Variants in IGSF9B observed in about 807,000 individuals in gnomAD.
IGSF9B encodes immunoglobulin superfamily member 9B.
A neutral mutation model predicts 143.7 loss-of-function variants in IGSF9B; 48 were observed. The ratio of observed to expected loss-of-function variants is 0.33; its 90% confidence interval spans 0.26 to 0.42. The LOEUF (loss-of-function observed/expected upper bound fraction) is 0.42. Ranked by LOEUF, IGSF9B falls within the 20% of genes least tolerant of loss-of-function variation. IGSF9B has a pLI of 1.00. For missense variants in IGSF9B, 1,706 were observed against 1,980.0 expected, an observed-to-expected ratio of 0.86 and a Z score of 2.63; for synonymous variants, 903 against 833.1, an observed-to-expected ratio of 1.08 and a Z score of -1.44.
intron 5 of IGSF9B, 25 bp from the exon 6 acceptor site, chr11:133,936,219 C>T: frequency 1.9e-6 from 3 of 1,597,996 alleles, no homozygotes; most frequent in Non-Finnish European, 2.6e-6. Context: ...GAACAAACCC[C>T]ACCTCGCCTG....
chr11:133,926,857 G>T, intron 13 of IGSF9B, 59 bp downstream of exon 13: 1 of 1,445,500 alleles, frequency 6.9e-7, no homozygotes, highest in Non-Finnish European at 9.4e-7. Flanking sequence ...AGCTGCCTGG[G>T]CCACCGCCCC....
In IGSF9B at chr11:133,898,947, A is replaced by G. The variant is rs930304185; in HGVS notation, c.*10122T>C. ...TGGAAGCGGGAAGCAGGCAGCAAAA[A>G]TCCACGACAGAGCCTTTTCCCCAAG... On this transcript the variant is annotated 3_prime_UTR_variant, in exon 20 of 20. Transcript: ENST00000533871. The G allele has an allele frequency of 6.6e-6, 1 of 152,306 alleles. No individual in the cohort carries two copies. Among genetic ancestry groups the G allele is most frequent in the African/African-American group, 2.4e-5 (1 of 41,422 alleles). The allele number at this position is 152,306 out of a possible 1,614,324, so 9.4% of individuals were successfully genotyped here. A position where few individuals can be genotyped will look rare whatever the true frequency, so the allele number is the denominator to read the frequency against.
chr11:133,918,418 G>A (rs1389743336), intron 18 of IGSF9B, among the ~76,000 whole-genome samples: 12 of 152,188 alleles, frequency 7.9e-5, no homozygotes, highest in Admixed American at 6.5e-4. Flanking sequence ...AGGCCGGAGC[G>A]TGGGGGAGGG....
At chr11:133,939,976 A>AT (rs1939899219) in intron 3 of IGSF9B, among the ~76,000 whole-genome samples, 1 of 135,368 alleles carries the variant, frequency 7.4e-6, no homozygotes, top group Non-Finnish European at 1.6e-5. Context: ...ATGCGTCATC[A>AT]CATACAGAAA....
At position 133,906,567 on chromosome 11, in the gene IGSF9B, G is replaced by T. The variant is rs954389019; in HGVS notation, c.*2502C>A. ...GGCACTGCCAGAGGAAGCGGAGGAG[G>T]AGTCAGCACCTGGGTTAGCACGGGG... On this transcript the variant is annotated 3_prime_UTR_variant, in exon 20 of 20. Transcript: ENST00000533871. Among the ~76,000 whole-genome samples, 4 of 152,230 alleles carry T rather than the reference G, an allele frequency of 2.6e-5. No homozygotes were observed. Among genetic ancestry groups the T allele is most frequent in the South Asian group, 2.1e-4 (1 of 4,832 alleles).
In IGSF9B at chr11:133,908,032, G is replaced by A. The variant is rs919716870; in HGVS notation, c.*1037C>T. 1.3e-5 allele frequency among the ~76,000 whole-genome samples: 2 copies of A among 152,258 alleles called. No individual in the cohort carries two copies. The highest frequency in any genetic ancestry group is 4.8e-5 in the African/African-American group (2 of 41,470). Reference sequence around the variant, plus strand: ...GTGGAACAGCACTGCACAGAGTGCTGAGCCGGGGACGGTATAAATAGAGCC... The same window carrying A: ...GTGGAACAGCACTGCACAGAGTGCTAAGCCGGGGACGGTATAAATAGAGCC... On this transcript the variant is annotated 3_prime_UTR_variant, in exon 20 of 20. Coordinates refer to ENST00000533871, the MANE Select transcript of IGSF9B (RefSeq NM_001277285.4).
intron 18 of IGSF9B, among the ~76,000 whole-genome samples, chr11:133,912,751 C>T (rs763619573): frequency 2.6e-5 from 4 of 152,174 alleles, no homozygotes; most frequent in East Asian, 1.9e-4. Context: ...GTAACAAGAA[C>T]GTGGTGAACC....
At chr11:133,924,781 T>C (rs1016312041) in intron 15 of IGSF9B, 39 bp downstream of exon 15, 1 of 1,532,932 alleles carries the variant, frequency 6.5e-7, no homozygotes, top group African/African-American at 1.4e-5. Flanking sequence ...CTGGGGCTTA[T>C]GTCCCTATAG....
chr11:133,929,038 G>T (rs1939677430), intron 12 of IGSF9B, among the ~76,000 whole-genome samples: 1 of 152,194 alleles, frequency 6.6e-6, no homozygotes, highest in Admixed American at 6.5e-5. Context: ...GAAAGAACCA[G>T]TAAGACCTGG....
In IGSF9B at chr11:133,904,617, G is replaced by A. The variant is rs770567141; in HGVS notation, c.*4452C>T. Among the ~76,000 whole-genome samples, 5 of 151,642 alleles carry A rather than the reference G, an allele frequency of 3.3e-5. No individual in the cohort carries two copies. Among genetic ancestry groups the A allele is most frequent in the Non-Finnish European group, 7.4e-5 (5 of 67,962 alleles). On this transcript the variant is annotated 3_prime_UTR_variant, in exon 20 of 20. Transcript: ENST00000533871. ...GATGCCCACCAGGCAATCATTCTTC[G>A]TCATCTTGGGATGATCCCCCAGTGT...
Position 133,929,698 on chromosome 11 carries a change from C to G in IGSF9B, c.1604G>C (p.Gly535Ala). ...AACTGAGAATGTCTGCTCGTAGCCT[C>G]CATCATAGCCTGGTTCCCAGGACAC... is the stretch of plus-strand genomic sequence containing the variant. ...ANVSWEPGYD[G>A]GYEQTFSVWM... Residue 535 changes from glycine (G) to alanine (A), a missense_variant, in exon 12 of 20, where the codon GGA (glycine) becomes GCA (alanine). Around this residue, in one of 7 missense-constraint regions of IGSF9B, gnomAD observed 267 missense variants for 321.1 expected, o/e 0.83. Transcript: ENST00000533871. 1 of 1,613,696 alleles carries G rather than the reference C, an allele frequency of 6.2e-7. No homozygotes were observed. The highest frequency in any genetic ancestry group is 8.5e-7 in the Non-Finnish European group (1 of 1,179,590).
chr11:133,951,373 C>T (rs1234587279), intron 1 of IGSF9B, among the ~76,000 whole-genome samples: 1 of 152,210 alleles, frequency 6.6e-6, no homozygotes, highest in Non-Finnish European at 1.5e-5. Flanking sequence ...CCACGCGCCA[C>T]CAAACCTCTC....
chr11:133,956,680 C>A lies in IGSF9B; in HGVS notation c.64+11G>T. On this transcript the variant is annotated intron_variant, in intron 1 of 19. Transcript: ENST00000533871. ...GGAGGGGCAGGGGAGGGACGCCGCA[C>A]TTCAACTCACCTTCAGCCGCAAGCC... 6.5e-7 allele frequency: 1 copy of A among 1,534,810 alleles called. No homozygotes were observed. The highest frequency in any genetic ancestry group is 8.8e-7 in the Non-Finnish European group (1 of 1,140,516).
rs775326679 is a variant in IGSF9B, at chr11:133,920,447, C to T, written c.3278G>A (p.Gly1093Asp). ...CTTCGGTGCCTCCAGAGACAGGATG[C>T]CCGGGTAGGCCGCGGGCACCTGCAG... Reference protein sequence around the residue: ...TSLQVPAAYPGILSLEAPKGW... With the variant: ...TSLQVPAAYPDILSLEAPKGW... Residue 1093 changes from glycine (G) to aspartate (D), a missense_variant, in exon 18 of 20, where the codon GGC (glycine) becomes GAC (aspartate). By Grantham distance (94) the Gly-to-Asp change is moderately conservative. Transcript: ENST00000533871. 9.1e-5 allele frequency: 143 copies of T among 1,567,348 alleles called. No homozygotes were observed. Among genetic ancestry groups the T allele is most frequent in the Non-Finnish European group, 1.2e-4 (139 of 1,157,144 alleles).
rs2121295741 is a variant in IGSF9B at position 133,922,695 on chromosome 11, G to A, written c.2155C>T (p.Leu719=). 1.9e-6 allele frequency: 3 copies of A among 1,584,988 alleles called. No individual in the cohort carries two copies. The South Asian group carries it at 3.5e-5, about 18-fold the overall frequency. ...ATTCCCGCCAGCACAGGCCGCGCCA[G>A]CCCATCCTCGGTCAGGTCCGGCTGC... is the stretch of plus-strand genomic sequence containing the variant. ...FPQPDLTEDG[L]ARPVLAGIVA... is the part of the protein sequence containing the mutation. Residue 719 remains leucine (L), a synonymous_variant, in exon 16 of 20, where the codon CTG becomes TTG. Transcript: ENST00000533871.
intron 1 of IGSF9B, among the ~76,000 whole-genome samples, chr11:133,956,402 C>T (rs1248169639): frequency 6.6e-6 from 1 of 152,054 alleles, no homozygotes. Context: ...CCGTGGGGCC[C>T]GTGGTGGGCG....
chr11:133,948,056 CGTGTGTGTGTGT>C lies in IGSF9B; in HGVS notation c.65-1810_65-1799del, dbSNP rs71038546. Reference sequence around the variant, plus strand: ...CTGTTTCTGTCTACCAGCATGTGTGCGTGTGTGTGTGTGTGTGTGTGTGTGTGTGTGTGTCTG... The same window carrying C: ...CTGTTTCTGTCTACCAGCATGTGTGCGTGTGTGTGTGTGTGTGTGTGTCTG... On this transcript the variant is annotated intron_variant, in intron 1 of 19. Transcript: ENST00000533871. The surrounding 1 kb of genome is among the most constrained non-coding windows in gnomAD (Gnocchi z 4.7). Among the ~76,000 whole-genome samples the C allele has an allele frequency of 0.014, 2,034 of 147,136 alleles. 23 individuals are homozygous for C. Among genetic ancestry groups the C allele is most frequent in the Middle Eastern group, 0.041 (12 of 290 alleles).
In IGSF9B at chr11:133,925,743, G is replaced by A; in HGVS notation, c.2030C>T (p.Ser677Leu). Residue 677 changes from serine (S) to leucine (L), a missense_variant, in exon 14 of 20, where the codon TCA becomes TTA. Around this residue, in one of 7 missense-constraint regions of IGSF9B, gnomAD observed 267 missense variants for 321.1 expected, o/e 0.83. Transcript: ENST00000533871. ...AAGGAAGAGCAAAGCCCTCACCTGT[G>A]ACAGATCCTTGGCAAAGAACTCTCC... ...TEGEFFAKDL[S>L]QDTWYEFRVL... The A allele has an allele frequency of 6.2e-7, 1 of 1,612,462 alleles. No individual in the cohort carries two copies. The highest frequency in any genetic ancestry group is 8.5e-7 in the Non-Finnish European group (1 of 1,179,102).
intron 3 of IGSF9B, among the ~76,000 whole-genome samples, chr11:133,941,606 G>A (rs549157507): frequency 2.0e-5 from 3 of 152,338 alleles, no homozygotes; most frequent in African/African-American, 4.8e-5. Flanking sequence ...ATCTCTCACC[G>A]CAGAAGGGTT....
Sources: gnomAD v4.1 joint callset for allele counts (sites outside exome capture counted in the v4.1 genomes callset) on GRCh38, gnomAD v4.1.1 for gene constraint, gnomAD v4.1.1 regional missense constraint, Gnocchi (gnomAD v3.1) non-coding constraint, MANE v1.5 for transcripts, NCBI Gene and HGNC (gene_info 2026-07-23, HGNC 2026-07-21) for gene names.